The following ARAP2 variants were observed in gnomAD, a reference collection of about 807,000 sequenced individuals.
ARAP2 encodes arf-GAP with Rho-GAP domain, ANK repeat and PH domain-containing protein 2.
ARAP2 carries 148 observed loss-of-function variants against 194.5 expected under a neutral mutation model. That is an observed-to-expected ratio of 0.76 (90% confidence interval 0.67 to 0.87). The LOEUF (loss-of-function observed/expected upper bound fraction) is 0.87, where lower values mean the gene tolerates loss of function less well. Among genes scored for constraint, ARAP2 ranks in the 40% least tolerant of loss-of-function variants. The pLI is 0.00. For missense variants in ARAP2, 2,128 were observed against 1,989.7 expected (o/e 1.07, Z -1.32); for synonymous variants, 695 against 683.5 (o/e 1.02, Z -0.26).
intron 6 of ARAP2, 41 bp from the exon 7 acceptor site, chr4:36,193,688 ATGAACTTAGAT>A: frequency 7.1e-7 from 1 of 1,402,406 alleles, no homozygotes; most frequent in Middle Eastern, 1.8e-4. Flanking sequence ...TTCAAGTAAC[ATGAACTTAGAT>A]TGTTAAATTC....
At chr4:36,095,072 G>T (rs949623156) in intron 27 of ARAP2, among the ~76,000 whole-genome samples, 2 of 152,058 alleles carry the variant, frequency 1.3e-5, no homozygotes, top group Non-Finnish European at 2.9e-5. Context: ...TATTGACAGG[G>T]GCATCAGACA....
At position 36,147,751 on chromosome 4, in the gene ARAP2, TAAAAC is replaced by T. The variant is rs776768605; in HGVS notation, c.3001-10_3001-6del. Reference sequence around the variant, plus strand: ...AGCAAATAAGGGAACAAAATGCTGTTAAAACAAATACAAAAAAGTAATAAAGACAG... The same window carrying T: ...AGCAAATAAGGGAACAAAATGCTGTTAAATACAAAAAAGTAATAAAGACAG... On this transcript the variant is annotated splice_region_variant and splice_polypyrimidine_tract_variant and intron_variant, in intron 17 of 32. Coordinates refer to ENST00000303965, the MANE Select transcript of ARAP2 (RefSeq NM_015230.4). 2.8e-4 allele frequency: 442 copies of T among 1,595,304 alleles called. No individual in the cohort carries two copies. Among genetic ancestry groups the T allele is most frequent in the Admixed American group, 5.7e-4 (32 of 56,236 alleles).
intron 21 of ARAP2, among the ~76,000 whole-genome samples, chr4:36,127,741 A>G (rs1181842998): frequency 6.6e-6 from 1 of 151,984 alleles, no homozygotes; most frequent in Non-Finnish European, 1.5e-5. Flanking sequence ...AAAATATTAT[A>G]GATATATGAG....
At chr4:36,153,414 T>C (rs548101202) in intron 15 of ARAP2, among the ~76,000 whole-genome samples, 43 of 152,308 alleles carry the variant, frequency 2.8e-4, no homozygotes, top group Non-Finnish European at 5.1e-4. Flanking sequence ...TGAAACCCTC[T>C]CTGCTCCACA....
intron 5 of ARAP2, among the ~76,000 whole-genome samples, chr4:36,026,080 A>G (rs538190005): frequency 1.3e-5 from 2 of 152,170 alleles, no homozygotes; most frequent in African/African-American, 4.8e-5. Context: ...AATACTCAAA[A>G]ATTTCTTTCT....
intron 26 of ARAP2, among the ~76,000 whole-genome samples, chr4:36,107,963 G>A (rs1718859735): frequency 6.6e-6 from 1 of 151,642 alleles, no homozygotes; most frequent in Admixed American, 6.6e-5. Context: ...AAAATCAGAA[G>A]TACTTTTGAT....
At chr4:36,134,138 T>C (rs180942442) in intron 19 of ARAP2, among the ~76,000 whole-genome samples, 5 of 151,900 alleles carry the variant, frequency 3.3e-5, no homozygotes, top group East Asian at 1.9e-4. Flanking sequence ...AGTTTCATCA[T>C]TGGCAAAATA....
At chr4:36,016,252 A>T (rs144140100) in intron 6 of ARAP2, among the ~76,000 whole-genome samples, 87 of 152,280 alleles carry the variant, frequency 5.7e-4, no homozygotes, top group African/African-American at 2.0e-3. Flanking sequence ...ATAATACTAT[A>T]TATTATTATG....
intron 13 of ARAP2, chr4:36,160,096 C>A: frequency 1.0e-6 from 1 of 994,070 alleles, no homozygotes; most frequent in Non-Finnish European, 1.2e-6. Context: ...CTGTTAGAAT[C>A]CTTTTTTTTT....
At chr4:36,218,641 T>C (rs780720841) in intron 2 of ARAP2, among the ~76,000 whole-genome samples, 1 of 152,038 alleles carries the variant, frequency 6.6e-6, no homozygotes, top group African/African-American at 2.4e-5. Flanking sequence ...ACAATAAAGC[T>C]AGAAGATAAA....
At chr4:36,088,446 T>C (rs6531408) in intron 28 of ARAP2, among the ~76,000 whole-genome samples, 143,934 of 152,156 alleles carry the variant, frequency 0.95, 68,136 homozygotes, top group African/African-American at 0.98. Context: ...CATAATTCTA[T>C]GAAATCTACT....
intron 19 of ARAP2, among the ~76,000 whole-genome samples, chr4:36,144,274 G>A (rs2109683296): frequency 6.6e-6 from 1 of 151,846 alleles, no homozygotes; most frequent in South Asian, 2.1e-4. Flanking sequence ...AGCTCTGAGG[G>A]GTCAGACACC....
At position 36,229,036 on chromosome 4, in the gene ARAP2, G is replaced by C; in HGVS notation, c.451C>G (p.Arg151Gly). 1 of 1,614,096 alleles carries C rather than the reference G, an allele frequency of 6.2e-7. No individual in the cohort carries two copies. Among genetic ancestry groups the C allele is most frequent in the Non-Finnish European group, 8.5e-7 (1 of 1,180,000 alleles). The stretch of plus-strand genomic sequence containing the variant: ...GGTTCCTCTGCAGTGGGGAAGTCGC[G>C]TTTAGGAGGAGACAGCTTATCATCT... ...QSDDKLSPPK[R>G]DFPTAEEPHL... Residue 151 changes from arginine (R) to glycine (G), a missense_variant, in exon 2 of 33, where the codon CGC becomes GGC. Arg to Gly is a moderately radical substitution (Grantham distance 125, BLOSUM62 -2). Coordinates refer to ENST00000303965, the MANE Select transcript of ARAP2 (RefSeq NM_015230.4).
intron 8 of ARAP2, among the ~76,000 whole-genome samples, chr4:36,185,742 G>A (rs530156173): frequency 4.4e-4 from 67 of 151,834 alleles, no homozygotes; most frequent in Admixed American, 2.8e-3. Context: ...TTGGGAGGCC[G>A]AGGTGGGCAG....
chr4:36,091,843 C>T, intron 28 of ARAP2, 38 bp downstream of exon 28: 2 of 1,545,036 alleles, frequency 1.3e-6, no homozygotes, highest in Non-Finnish European at 1.8e-6. Context: ...TGTTAATACC[C>T]ACACAAATAA....
intron 8 of ARAP2, among the ~76,000 whole-genome samples, chr4:36,179,170 G>C (rs1247918206): frequency 6.6e-6 from 1 of 152,070 alleles, no homozygotes; most frequent in Non-Finnish European, 1.5e-5. Context: ...TAATAATACA[G>C]ACAATGACAG....
Position 36,178,179 on chromosome 4 carries a change from G to C in ARAP2, c.1679-174C>G, listed in dbSNP as rs1379234688. On this transcript the variant is annotated intron_variant, in intron 8 of 32. Transcript: ENST00000303965. The stretch of plus-strand genomic sequence containing the variant: ...AATGACTCAATTCTTTGAGGGAAAA[G>C]GAGTAACAATATCCAGTTGTCTTGA... Among the ~76,000 whole-genome samples, 3 of 152,290 alleles carry C rather than the reference G, an allele frequency of 2.0e-5. No homozygotes were observed. The East Asian group carries it at 5.8e-4, about 29-fold the overall frequency.
chr4:36,047,799 C>A (rs1722070300), intron 3 of ARAP2, among the ~76,000 whole-genome samples: 1 of 152,100 alleles, frequency 6.6e-6, no homozygotes, highest in Admixed American at 6.5e-5. Flanking sequence ...CATTAGTATT[C>A]TTATTAACAC....
chr4:36,041,426 A>G (rs892967955), intron 5 of ARAP2, among the ~76,000 whole-genome samples: 1 of 152,230 alleles, frequency 6.6e-6, no homozygotes, highest in Non-Finnish European at 1.5e-5. Context: ...GCACATCAAG[A>G]AAAAGCTCAA....
Sources: gnomAD v4.1 joint callset for allele counts (sites outside exome capture counted in the v4.1 genomes callset) on GRCh38, gnomAD v4.1.1 for gene constraint, MANE v1.5 for transcripts, NCBI Gene and HGNC (gene_info 2026-07-23, HGNC 2026-07-21) for gene names.